Variants in AJAP1 observed in about 807,000 individuals in gnomAD.
AJAP1 encodes the protein adherens junctions associated protein 1.
In AJAP1, 5 loss-of-function variants were observed where a neutral mutation model predicts 35.0. The ratio of observed to expected loss-of-function variants is 0.14; its 90% CI spans 0.07 to 0.30. The LOEUF is 0.30. Ranked by LOEUF, AJAP1 falls within the 10% of genes least tolerant of loss-of-function variation. The pLI, the probability that AJAP1 is intolerant of heterozygous loss-of-function variation, is 1.00. For missense variants in AJAP1, 586 were observed against 571.0 expected, an observed-to-expected ratio of 1.03 and a Z score of -0.27; for synonymous variants, 284 against 249.3, an observed-to-expected ratio of 1.14 and a Z score of -1.31.
At chr1:4,703,941 C>T (rs1477691293) in intron 1 of AJAP1, among the ~76,000 whole-genome samples, 2 of 152,226 alleles carry the variant, frequency 1.3e-5, no homozygotes, top group African/African-American at 2.4e-5. Context: ...TGTCTGCCCT[C>T]CGGATGGAGC....
At chr1:4,771,304 T>G (rs944362083) in intron 3 of AJAP1, among the ~76,000 whole-genome samples, 1 of 152,192 alleles carries the variant, frequency 6.6e-6, no homozygotes, top group African/African-American at 2.4e-5. Context: ...GTAGGGGGCT[T>G]CTTCTCCAGG....
chr1:4,763,769 C>T (rs563041600), intron 2 of AJAP1, among the ~76,000 whole-genome samples: 69 of 150,520 alleles, frequency 4.6e-4, no homozygotes, highest in African/African-American at 1.6e-3. Flanking sequence ...CTCTGTCTCT[C>T]TCTTCCTCCC....
At chr1:4,768,506 G>A (rs1388149963) in intron 2 of AJAP1, among the ~76,000 whole-genome samples, 3 of 152,226 alleles carry the variant, frequency 2.0e-5, no homozygotes, top group Non-Finnish European at 4.4e-5. Context: ...TTAAGAGACT[G>A]TCCTTGGGAG....
chr1:4,683,212 CAGGGGCATGGGAAGA>C (rs1639527401), intron 1 of AJAP1, among the ~76,000 whole-genome samples: 1 of 152,238 alleles, frequency 6.6e-6, no homozygotes, highest in Admixed American at 6.5e-5. Context: ...ATCTGTCCTT[CAGGGGCATGGGAAGA>C]GTAAAATGAT....
At chr1:4,699,050 C>T (rs1479590080) in intron 1 of AJAP1, among the ~76,000 whole-genome samples, 1 of 152,188 alleles carries the variant, frequency 6.6e-6, no homozygotes, top group East Asian at 1.9e-4. Flanking sequence ...CCTCCTGTCG[C>T]CAGAGTCCAG....
In AJAP1 at chr1:4,723,489, G is replaced by A. The variant is rs570812669; in HGVS notation, c.829+10790G>A. On this transcript the variant is annotated intron_variant, in intron 2 of 5. Transcript: ENST00000378191. The surrounding 1 kb of genome is among the most constrained non-coding windows in gnomAD (Gnocchi z 4.3). ...TGGGGGTGATAAGGAAGAGCCCACC[G>A]GGAGGAGGTGGCCAGGAGGCTGCAG... is the stretch of plus-strand genomic sequence containing the variant. Among the ~76,000 whole-genome samples, 11 of 152,270 alleles carry A rather than the reference G, an allele frequency of 7.2e-5. No individual in the cohort carries two copies. Among genetic ancestry groups the A allele is most frequent in the Admixed American group, 3.9e-4 (6 of 15,294 alleles).
At chr1:4,670,347 T>C (rs1173560093) in intron 1 of AJAP1, among the ~76,000 whole-genome samples, 1 of 152,330 alleles carries the variant, frequency 6.6e-6, no homozygotes, top group Middle Eastern at 3.4e-3. Context: ...ATTAAAGCAA[T>C]TGCCCCGGGA....
chr1:4,772,270 T>G lies in AJAP1; in HGVS notation c.918-10T>G. On this transcript the variant is annotated splice_polypyrimidine_tract_variant and intron_variant, in intron 3 of 5. Coordinates refer to ENST00000378191, the MANE Select transcript of AJAP1 (RefSeq NM_018836.4). ...GCCCGTCCCCCTACCCCAAACTCTTTCTCTTCCAGCTGTGCCCAAAGCGGG... is the reference window on the plus strand; with the variant it reads ...GCCCGTCCCCCTACCCCAAACTCTTGCTCTTCCAGCTGTGCCCAAAGCGGG... The G allele has an allele frequency of 6.2e-7, 1 of 1,613,710 alleles. No individual in the cohort carries two copies. Among genetic ancestry groups the G allele is most frequent in the Non-Finnish European group, 8.5e-7 (1 of 1,179,732 alleles).
rs1173512264 is a variant in AJAP1 at position 4,692,597 on chromosome 1, A to G, written c.30-19303A>G. On this transcript the variant is annotated intron_variant, in intron 1 of 5. Coordinates refer to ENST00000378191, the MANE Select transcript of AJAP1 (RefSeq NM_018836.4). The surrounding 1 kb of genome is among the most constrained non-coding windows in gnomAD (Gnocchi z 4.4). Reference sequence around the variant, plus strand: ...TCCTGACCATGGCGGGGCCTTCCCTAGTGGACCCCACAAATCAAGCCTCAT... The same window carrying G: ...TCCTGACCATGGCGGGGCCTTCCCTGGTGGACCCCACAAATCAAGCCTCAT... Among the ~76,000 whole-genome samples, 1 of 152,082 alleles carries G rather than the reference A, an allele frequency of 6.6e-6. No individual in the cohort carries two copies. Among genetic ancestry groups the G allele is most frequent in the Non-Finnish European group, 1.5e-5 (1 of 68,008 alleles).
At position 4,722,142 on chromosome 1, in the gene AJAP1, GCA is replaced by G. The variant is rs1261758766; in HGVS notation, c.829+9448_829+9449del. Among the ~76,000 whole-genome samples, 10 of 152,348 alleles carry G rather than the reference GCA, an allele frequency of 6.6e-5. No homozygotes were observed. In the East Asian group the frequency reaches 1.5e-3, roughly 24 times the overall value. ...TTTCAGAGATGTTTGGGACAAAAAT[GCA>G]CACAGTCTTCTTTTGATTTATTCGG... On this transcript the variant is annotated intron_variant, in intron 2 of 5. Transcript: ENST00000378191.
intron 2 of AJAP1, among the ~76,000 whole-genome samples, chr1:4,742,165 C>G (rs1004965401): frequency 6.6e-6 from 1 of 152,190 alleles, no homozygotes; most frequent in Non-Finnish European, 1.5e-5. Flanking sequence ...ATGCTGGCCA[C>G]GCAAAGCCAG....
rs114510727 is a variant in AJAP1 at position 4,668,417 on chromosome 1, A to G, written c.29+12963A>G. 3.4e-4 allele frequency among the ~76,000 whole-genome samples: 51 copies of G among 152,230 alleles called. No individual in the cohort carries two copies. The South Asian group carries it at 3.9e-3, about 12-fold the overall frequency. ...GGTGTGAGGCATCAGTTGACTTTAA[A>G]ATGCCCAAGTAATACATGTCTGCAC... On this transcript the variant is annotated intron_variant, in intron 1 of 5. Coordinates refer to ENST00000378191, the MANE Select transcript of AJAP1 (RefSeq NM_018836.4).
intron 1 of AJAP1, among the ~76,000 whole-genome samples, chr1:4,691,915 G>C (rs1391165157): frequency 6.6e-6 from 1 of 152,132 alleles, no homozygotes; most frequent in Non-Finnish European, 1.5e-5. Context: ...CCTGACTCAG[G>C]AGTGTCAGGG....
intron 1 of AJAP1, among the ~76,000 whole-genome samples, chr1:4,691,508 G>T (rs886197227): frequency 2.6e-5 from 4 of 152,212 alleles, no homozygotes; most frequent in Non-Finnish European, 5.9e-5. Context: ...ATTGTGCTAG[G>T]CCCGGGAGTG....
chr1:4,747,852 G>T lies in AJAP1; in HGVS notation c.830-22001G>T, dbSNP rs534732853. 1.4e-4 allele frequency among the ~76,000 whole-genome samples: 22 copies of T among 152,088 alleles called. No individual in the cohort carries two copies. In the South Asian group the frequency reaches 4.4e-3, roughly 30 times the overall value. On this transcript the variant is annotated intron_variant, in intron 2 of 5. Transcript: ENST00000378191. ...AAAATACAAAAATGTGCCGGGCGTG[G>T]TGGCACACACCTGTAATCAATCCCA...
chr1:4,728,988 G>A (rs1342311671), intron 2 of AJAP1, among the ~76,000 whole-genome samples: 2 of 152,160 alleles, frequency 1.3e-5, no homozygotes, highest in South Asian at 2.1e-4. Flanking sequence ...GCTCTGTAGG[G>A]CCTGCAGACC....
At chr1:4,684,436 G>A (rs1227587058) in intron 1 of AJAP1, among the ~76,000 whole-genome samples, 1 of 152,158 alleles carries the variant, frequency 6.6e-6, no homozygotes, top group African/African-American at 2.4e-5. Flanking sequence ...TGGGCTACAG[G>A]AAGGAGAGAC....
intron 2 of AJAP1, among the ~76,000 whole-genome samples, chr1:4,744,323 T>A (rs980428890): frequency 3.8e-5 from 5 of 131,372 alleles, no homozygotes; most frequent in African/African-American, 1.3e-4. Flanking sequence ...CTCTCACGTA[T>A]TTTTTCCTCT....
At chr1:4,681,959 T>C (rs1639493341) in intron 1 of AJAP1, among the ~76,000 whole-genome samples, 1 of 152,102 alleles carries the variant, frequency 6.6e-6, no homozygotes, top group Non-Finnish European at 1.5e-5. Context: ...CTCATAGCAA[T>C]CCTATAATGA....
Sources: gnomAD v4.1 joint callset for allele counts (sites outside exome capture counted in the v4.1 genomes callset) on GRCh38, gnomAD v4.1.1 for gene constraint, Gnocchi (gnomAD v3.1) non-coding constraint, MANE v1.5 for transcripts, NCBI Gene and HGNC (gene_info 2026-07-23, HGNC 2026-07-21) for gene names.